Variants in ABCA6 observed in about 807,000 individuals in gnomAD.
ABCA6 encodes ATP binding cassette subfamily A member 6, also known as ATP-binding cassette sub-family A member 6.
A neutral mutation model predicts 191.2 loss-of-function variants in ABCA6; 164 were observed. The ratio of observed to expected loss-of-function variants is 0.86; its 90% CI spans 0.76 to 0.98. The LOEUF (loss-of-function observed/expected upper bound fraction) is 0.98. ABCA6 is among the 50% of genes least tolerant of loss of function. The pLI is 0.00. For missense variants in ABCA6, 1,958 were observed against 1,894.1 expected (o/e 1.03, Z -0.63); for synonymous variants, 636 against 647.7 (o/e 0.98, Z 0.27).
At chr17:69,134,840 T>G in intron 4 of ABCA6, 98 bp from the exon 5 acceptor site, 2 of 788,480 alleles carry the variant, frequency 2.5e-6, no homozygotes, top group Non-Finnish European at 4.1e-6. Context: ...GAGGAGACTC[T>G]ACCAGTAAAC....
chr17:69,115,279 C>T (rs1474857285), intron 12 of ABCA6, 97 bp downstream of exon 12: 13 of 842,288 alleles, frequency 1.5e-5, no homozygotes, highest in East Asian at 2.7e-5. Context: ...CATTATTTCT[C>T]TTAAGCCATC....
rs1234989895 is a variant in ABCA6 at position 69,113,604 on chromosome 17, A to G, written c.1902+14T>C. Reference sequence around the variant, plus strand: ...ATTCGACCTGCTTCCTTCCCCATGCATAATCTCACTTACTTGAGGATCTCC... The same window carrying G: ...ATTCGACCTGCTTCCTTCCCCATGCGTAATCTCACTTACTTGAGGATCTCC... On this transcript the variant is annotated intron_variant, in intron 14 of 38. Coordinates refer to ENST00000284425, the MANE Select transcript of ABCA6 (RefSeq NM_080284.3). 3 of 1,612,794 alleles carry G rather than the reference A, an allele frequency of 1.9e-6. No homozygotes were observed. Among genetic ancestry groups the G allele is most frequent in the Non-Finnish European group, 8.5e-7 (1 of 1,179,238 alleles).
At chr17:69,102,289 A>G (rs6502002) in intron 21 of ABCA6, among the ~76,000 whole-genome samples, 123,616 of 152,062 alleles carry the variant, frequency 0.81, 52,549 homozygotes, top group Non-Finnish European at 0.94. Context: ...GGTGTAGTGA[A>G]CCAAGATACT....
chr17:69,134,886 G>GTATTTTT, intron 4 of ABCA6, 144 bp from the exon 5 acceptor site: 2 of 127,056 alleles, frequency 1.6e-5, no homozygotes, highest in African/African-American at 2.5e-4. Flanking sequence ...TGTTGTGGTT[G>GTATTTTT]TCTTTTTTTT....
At chr17:69,079,896 T>G (rs1430596075) in intron 37 of ABCA6, among the ~76,000 whole-genome samples, 1 of 152,200 alleles carries the variant, frequency 6.6e-6, no homozygotes, top group African/African-American at 2.4e-5. Context: ...ATGATGATAG[T>G]GGCTTTAAAG....
intron 6 of ABCA6, among the ~76,000 whole-genome samples, chr17:69,132,727 G>T (rs567896881): frequency 6.6e-6 from 1 of 152,170 alleles, no homozygotes; most frequent in East Asian, 1.9e-4. Flanking sequence ...TGATCCACCC[G>T]CCTGGGCCTT....
At chr17:69,079,344 T>A in intron 37 of ABCA6, 79 bp from the exon 38 acceptor site, 1 of 1,082,440 alleles carries the variant, frequency 9.2e-7, no homozygotes, top group Non-Finnish European at 1.3e-6. Flanking sequence ...TCATAAAGAA[T>A]AAAAATGTAA....
rs1486356570 is a variant in ABCA6, at chr17:69,132,187, A to T, written c.791+1454T>A. On this transcript the variant is annotated intron_variant, in intron 6 of 38. Transcript: ENST00000284425. Reference sequence around the variant, plus strand: ...TGGCTCCCAAGGAATTGTTCAATACATAATTTCTCATCCATTCCAGGTAGT... The same window carrying T: ...TGGCTCCCAAGGAATTGTTCAATACTTAATTTCTCATCCATTCCAGGTAGT... 3.9e-5 allele frequency among the ~76,000 whole-genome samples: 6 copies of T among 152,332 alleles called. No individual in the cohort carries two copies. The East Asian group carries it at 1.2e-3, about 29-fold the overall frequency.
chr17:69,133,780 G>C lies in ABCA6; in HGVS notation c.652C>G (p.Leu218Val). ...AATAAAATAAACATCTCATTGTGAA[G>C]AAGATTTTTAGTTATGAAAGGTAAT... is the stretch of plus-strand genomic sequence containing the variant. ...KTLPFITKNL[L>V]HNEMFILFFL... The change falls in exon 6 of 39, where the codon CTT becomes GTT. Residue 218 changes from leucine (L) to valine (V), a missense_variant. Transcript: ENST00000284425. 6.2e-7 allele frequency: 1 copy of C among 1,612,456 alleles called. No homozygotes were observed.
chr17:69,114,272 G>A (rs2073491573), intron 13 of ABCA6, among the ~76,000 whole-genome samples: 1 of 152,034 alleles, frequency 6.6e-6, no homozygotes, highest in African/African-American at 2.4e-5. Flanking sequence ...TAGGGACATG[G>A]ATGAAGCTGG....
At chr17:69,086,842 G>C (rs1161749740) in intron 29 of ABCA6, 107 bp from the exon 30 acceptor site, 4 of 671,864 alleles carry the variant, frequency 6.0e-6, no homozygotes, top group African/African-American at 1.8e-5. Context: ...TTTGAGTTGA[G>C]AGTAATTCAT....
Position 69,115,377 on chromosome 17 carries a change from T to A in ABCA6, c.1605A>T (p.Glu535Asp). ...NILNGLSVPT[E>D]GSVTIYNKNL... ...TTTGAGAAATTTCTTTTTACTCACC[T>A]TCTGTTGGAACAGACAATCCATTAA... Residue 535 changes from glutamate to aspartate, a missense_variant and splice_region_variant, in exon 12 of 39, where the codon GAA (glutamate) becomes GAT (aspartate). Physicochemically the swap from Glu to Asp is conservative, Grantham distance 45. Transcript: ENST00000284425. The A allele has an allele frequency of 1.2e-6, 2 of 1,602,910 alleles. No individual in the cohort carries two copies. Among genetic ancestry groups the A allele is most frequent in the Non-Finnish European group, 1.7e-6 (2 of 1,174,254 alleles).
intron 10 of ABCA6, among the ~76,000 whole-genome samples, chr17:69,121,256 G>A (rs374405144): frequency 8.5e-5 from 13 of 152,068 alleles, no homozygotes; most frequent in African/African-American, 2.7e-4. Flanking sequence ...AAAACTTGTG[G>A]ATTAGAAACT....
rs1352004363 is a variant in ABCA6, at chr17:69,125,059, A to T, written c.1120-24T>A. 6 of 1,180,206 alleles carry T rather than the reference A, an allele frequency of 5.1e-6. No homozygotes were observed. In the East Asian group the frequency reaches 1.8e-4, roughly 36 times the overall value. The allele number at this position is 1,180,206 out of a possible 1,614,324, so 73.1% of individuals were successfully genotyped here. A position where few individuals can be genotyped will look rare whatever the true frequency, so the allele number is the denominator to read the frequency against. ...ATCTAAGATTCAAAAAATAAAAATAAATGTTTAAAATAAATAAATAAATAG... is the reference window on the plus strand; with the variant it reads ...ATCTAAGATTCAAAAAATAAAAATATATGTTTAAAATAAATAAATAAATAG... On this transcript the variant is annotated intron_variant, in intron 8 of 38. Coordinates refer to ENST00000284425, the MANE Select transcript of ABCA6 (RefSeq NM_080284.3).
At chr17:69,121,040 A>C (rs935433074) in intron 10 of ABCA6, among the ~76,000 whole-genome samples, 3 of 152,208 alleles carry the variant, frequency 2.0e-5, no homozygotes, top group Middle Eastern at 3.4e-3. Context: ...TTGTATATAA[A>C]GCATTTCTAT....
chr17:69,088,072 G>C lies in ABCA6; in HGVS notation c.3698+95C>G, dbSNP rs532108152. 10 of 1,090,908 alleles carry C rather than the reference G, an allele frequency of 9.2e-6. No individual in the cohort carries two copies. In the African/African-American group the frequency reaches 1.6e-4, roughly 18 times the overall value. The allele number at this position is 1,090,908 out of a possible 1,614,324, so 67.6% of individuals were successfully genotyped here. A position where few individuals can be genotyped will look rare whatever the true frequency, so the allele number is the denominator to read the frequency against. On this transcript the variant is annotated intron_variant, in intron 28 of 38. Coordinates refer to ENST00000284425, the MANE Select transcript of ABCA6 (RefSeq NM_080284.3). ...ATGACAATCAACATGTGCTTCCACT[G>C]TAAATGTAAATCTGTATTAACAAGA...
At chr17:69,113,835 A>T (rs1427679736) in intron 13 of ABCA6, 98 bp from the exon 14 acceptor site, 2 of 985,474 alleles carry the variant, frequency 2.0e-6, no homozygotes, top group Non-Finnish European at 3.0e-6. Flanking sequence ...ACTGGCCATC[A>T]GAGAAATGCA....
chr17:69,083,097 A>C, intron 35 of ABCA6, 84 bp from the exon 36 acceptor site: 2 of 1,585,128 alleles, frequency 1.3e-6, no homozygotes, highest in Non-Finnish European at 1.7e-6. Context: ...TGTAGAAGAA[A>C]AGGTGTCACC....
At chr17:69,104,625 G>T (rs947655179) in intron 20 of ABCA6, 3 of 128,710 alleles carry the variant, frequency 2.3e-5, no homozygotes, top group Admixed American at 8.4e-5. Context: ...TAACATAAAA[G>T]TTCCTTCTTC....
Sources: allele counts gnomAD v4.1 joint callset (sites outside exome capture counted in the v4.1 genomes callset), GRCh38; gene constraint gnomAD v4.1.1; transcripts MANE v1.5; gene names NCBI Gene and HGNC (gene_info 2026-07-23, HGNC 2026-07-21).